PPFIA2: variants seen among roughly 807,000 people sequenced by gnomAD.
PPFIA2 encodes the protein PPFI scaffold protein A2.
In PPFIA2, 46 loss-of-function variants were observed where a neutral mutation model predicts 175.5. The ratio of observed to expected loss-of-function variants is 0.26; its 90% CI spans 0.21 to 0.34. The LOEUF is 0.34. PPFIA2 is among the 10% of genes least tolerant of loss of function. The probability of loss-of-function intolerance (pLI) is 1.00; values close to 1 mark genes in which losing one functional copy is unlikely to be tolerated. For synonymous variants in PPFIA2, 568 were observed against 511.4 expected, an observed-to-expected ratio of 1.11 and a Z score of -1.49; for missense variants, 1,179 against 1,506.1, an observed-to-expected ratio of 0.78 and a Z score of 3.60.
intron 28 of PPFIA2, among the ~76,000 whole-genome samples, chr12:81,268,450 T>C (rs1477937544): frequency 1.3e-5 from 2 of 152,200 alleles, no homozygotes; most frequent in Non-Finnish European, 1.5e-5. Flanking sequence ...TTATTTTTCA[T>C]AGTAGAACCA....
intron 16 of PPFIA2, among the ~76,000 whole-genome samples, chr12:81,354,946 G>C (rs1368622858): frequency 6.6e-6 from 1 of 152,106 alleles, no homozygotes; most frequent in Non-Finnish European, 1.5e-5. Flanking sequence ...CCTGATCAAG[G>C]TTGATGTTTT....
At chr12:81,461,436 A>T (rs2054524344) in intron 4 of PPFIA2, among the ~76,000 whole-genome samples, 1 of 152,106 alleles carries the variant, frequency 6.6e-6, no homozygotes, top group African/African-American at 2.4e-5. Context: ...CTATCCAGCC[A>T]TTCATACAAC....
At chr12:81,553,542 A>T (rs1166788080) in intron 4 of PPFIA2, among the ~76,000 whole-genome samples, 1 of 152,062 alleles carries the variant, frequency 6.6e-6, no homozygotes, top group Non-Finnish European at 1.5e-5. Context: ...ATTACCTAAC[A>T]ACTTCTACCT....
chr12:81,285,215 C>A (rs1214901476), intron 24 of PPFIA2, among the ~76,000 whole-genome samples: 1 of 152,068 alleles, frequency 6.6e-6, no homozygotes, highest in African/African-American at 2.4e-5. Flanking sequence ...CCCCTGGAAA[C>A]CACTTGCCAT....
chr12:81,690,440 C>T (rs935791047), intron 3 of PPFIA2, among the ~76,000 whole-genome samples: 67 of 151,932 alleles, frequency 4.4e-4, no homozygotes, highest in Non-Finnish European at 2.1e-4. Context: ...CAGGATTTTT[C>T]GCATCTTTAC....
chr12:81,409,564 C>A (rs1292413684), intron 7 of PPFIA2, among the ~76,000 whole-genome samples: 1 of 152,064 alleles, frequency 6.6e-6, no homozygotes, highest in Admixed American at 6.6e-5. Flanking sequence ...TGGGATAAGG[C>A]ATCATAAAAA....
Position 81,268,064 on chromosome 12 carries a change from G to A in PPFIA2, c.3334C>T (p.Arg1112Ter). Reference sequence around the variant, plus strand: ...ATTGCTTGTATCCAGCGAATAACTCGGTCATTGCTCCACACCAACACGTCT... The same window carrying A: ...ATTGCTTGTATCCAGCGAATAACTCAGTCATTGCTCCACACCAACACGTCT... ...IKDVLVWSND[R>*]VIRWIQAIGL... The change falls in exon 29 of 33, where the codon CGA (arginine) becomes TGA (stop). Residue 1112 changes from arginine (R) to a stop codon, truncating the protein, a stop_gained. Coordinates refer to ENST00000549396, the MANE Select transcript of PPFIA2 (RefSeq NM_003625.5). LOFTEE classifies it high-confidence loss of function. The A allele has an allele frequency of 6.3e-7, 1 of 1,597,152 alleles. No individual in the cohort carries two copies.
At chr12:81,693,994 G>A (rs749682593) in intron 3 of PPFIA2, among the ~76,000 whole-genome samples, 6 of 152,044 alleles carry the variant, frequency 3.9e-5, no homozygotes, top group Non-Finnish European at 8.8e-5. Context: ...TGTTCAAGAT[G>A]TGGTCTGGCT....
chr12:81,726,099 C>G (rs1300858506), intron 3 of PPFIA2, among the ~76,000 whole-genome samples: 2 of 151,138 alleles, frequency 1.3e-5, no homozygotes, highest in Non-Finnish European at 3.0e-5. Context: ...TCCCCAATCA[C>G]ATCTTCCCAC....
intron 4 of PPFIA2, among the ~76,000 whole-genome samples, chr12:81,489,275 T>C (rs1184930117): frequency 1.3e-5 from 2 of 151,728 alleles, no homozygotes. Flanking sequence ...TATATGGGTG[T>C]ATATATATTA....
intron 28 of PPFIA2, among the ~76,000 whole-genome samples, chr12:81,271,939 G>T (rs1405636889): frequency 5.9e-5 from 9 of 151,536 alleles, no homozygotes; most frequent in Non-Finnish European, 8.8e-5. Context: ...TGGTGAAATA[G>T]TCTCTCAGAT....
intron 22 of PPFIA2, among the ~76,000 whole-genome samples, chr12:81,311,475 TG>T (rs1379919244): frequency 6.6e-6 from 1 of 152,102 alleles, no homozygotes; most frequent in Non-Finnish European, 1.5e-5. Flanking sequence ...GGCTCACGCC[TG>T]TAGTCCCAGC....
chr12:81,697,643 C>G (rs1299442303), intron 3 of PPFIA2, among the ~76,000 whole-genome samples: 2 of 152,084 alleles, frequency 1.3e-5, no homozygotes, highest in African/African-American at 4.8e-5. Flanking sequence ...CCTTAGTAAA[C>G]TGAAAATCAA....
Position 81,494,767 on chromosome 12 carries a change from A to G in PPFIA2, c.304-36901T>C, listed in dbSNP as rs540239649. Among the ~76,000 whole-genome samples, 7 of 152,108 alleles carry G rather than the reference A, an allele frequency of 4.6e-5. No homozygotes were observed. In the South Asian group the frequency reaches 1.2e-3, roughly 27 times the overall value. ...CACCATGGAATACTATGCAGCCATA[A>G]AAAAGGATGAGTCCATGTCCTTTGT... On this transcript the variant is annotated intron_variant, in intron 4 of 32. Transcript: ENST00000549396.
intron 1 of PPFIA2, 111 bp downstream of exon 1, chr12:81,759,169 C>G (rs1394228290): frequency 6.6e-5 from 9 of 135,534 alleles, no homozygotes; most frequent in East Asian, 2.5e-4. Context: ...CCCCGGCCCC[C>G]CTTCCCTCCC....
chr12:81,718,861 C>G (rs1471637091), intron 3 of PPFIA2, among the ~76,000 whole-genome samples: 2 of 151,486 alleles, frequency 1.3e-5, no homozygotes, highest in Non-Finnish European at 3.0e-5. Flanking sequence ...GTTGGCTTGG[C>G]ATTTATTCTA....
intron 4 of PPFIA2, among the ~76,000 whole-genome samples, chr12:81,511,829 A>T (rs2061832842): frequency 6.6e-6 from 1 of 152,084 alleles, no homozygotes; most frequent in African/African-American, 2.4e-5. Context: ...GAATAGACCA[A>T]ACATTTCTAC....
intron 3 of PPFIA2, among the ~76,000 whole-genome samples, chr12:81,740,479 G>C (rs575282045): frequency 2.6e-5 from 4 of 152,210 alleles, no homozygotes; most frequent in African/African-American, 7.2e-5. Flanking sequence ...GAGTGTGATA[G>C]TCATGTTTTA....
intron 4 of PPFIA2, among the ~76,000 whole-genome samples, chr12:81,634,480 T>A (rs1224201659): frequency 6.6e-6 from 1 of 152,072 alleles, no homozygotes; most frequent in Admixed American, 6.5e-5. Context: ...TTTGCTATAC[T>A]GCAGAGTTGG....
Sources: allele counts gnomAD v4.1 joint callset (sites outside exome capture counted in the v4.1 genomes callset), GRCh38; gene constraint gnomAD v4.1.1; transcripts MANE v1.5; gene names NCBI Gene and HGNC (gene_info 2026-07-23, HGNC 2026-07-21).